The following LRRC37A2 variants were observed in gnomAD, a reference collection of about 807,000 sequenced individuals.
LRRC37A2 encodes the protein leucine-rich repeat-containing protein 37A2.
Under a neutral mutation model 68.8 loss-of-function variants are expected in LRRC37A2, and 9 were observed. The ratio of observed to expected loss-of-function variants is 0.13; its 90% CI spans 0.08 to 0.23. LRRC37A2 has a LOEUF of 0.23. LRRC37A2 is among the 10% of genes least tolerant of loss of function. The probability of loss-of-function intolerance (pLI) is 1.00; values close to 1 mark genes in which losing one functional copy is unlikely to be tolerated. For synonymous variants in LRRC37A2, 63 were observed against 367.6 expected, an observed-to-expected ratio of 0.17 and a Z score of 9.48; for missense variants, 168 against 950.4, an observed-to-expected ratio of 0.18 and a Z score of 10.82.
At chr17:46,968,989 G>A in the LRRC37A2 span, 781 of 152,970 alleles carry the variant, frequency 5.1e-3, 3 homozygotes, top group Non-Finnish European at 7.7e-3. Context: ...CATCCCTGCC[G>A]ACACCTGCCC....
chr17:46,790,262 A>G, the LRRC37A2 span, among the ~76,000 whole-genome samples: 2 of 152,150 alleles, frequency 1.3e-5, no homozygotes, highest in African/African-American at 4.8e-5. Context: ...TAGGAGCCGA[A>G]TCTGGGTTCA....
intron 6 of LRRC37A2, among the ~76,000 whole-genome samples, chr17:46,539,118 G>A (rs1360658041): frequency 1.5e-5 from 1 of 67,486 alleles, no homozygotes; most frequent in Non-Finnish European, 3.7e-5. Flanking sequence ...GGCTAAGGCA[G>A]GAGAATTGCT....
the LRRC37A2 span, among the ~76,000 whole-genome samples, chr17:47,047,699 TTTTA>T: frequency 2.0e-5 from 3 of 151,932 alleles, no homozygotes; most frequent in Non-Finnish European, 4.4e-5. Flanking sequence ...GTTTTTACAG[TTTTA>T]TAAGAGTACA....
At chr17:46,908,415 G>A in the LRRC37A2 span, among the ~76,000 whole-genome samples, 6 of 152,194 alleles carry the variant, frequency 3.9e-5, no homozygotes, top group Admixed American at 6.5e-5. Flanking sequence ...TGGAGGCGCT[G>A]AAAATAGGGT....
At chr17:46,878,954 T>G in the LRRC37A2 span, among the ~76,000 whole-genome samples, 4 of 152,200 alleles carry the variant, frequency 2.6e-5, no homozygotes, top group African/African-American at 9.6e-5. Flanking sequence ...TTCCTTGCTC[T>G]CATCCCTTTC....
chr17:46,935,196 G>A, the LRRC37A2 span: 27 of 1,613,200 alleles, frequency 1.7e-5, no homozygotes, highest in East Asian at 4.0e-4. Flanking sequence ...GGGACAGAGA[G>A]AAGGCCTCTT....
the LRRC37A2 span, among the ~76,000 whole-genome samples, chr17:47,026,122 A>G: frequency 6.6e-6 from 1 of 151,886 alleles, no homozygotes; most frequent in African/African-American, 2.4e-5. Context: ...AATGCCTTCA[A>G]TTTGGACCCA....
chr17:46,638,365 A>T, the LRRC37A2 span, among the ~76,000 whole-genome samples: 1 of 19,750 alleles, frequency 5.1e-5, no homozygotes, highest in African/African-American at 3.0e-4. Flanking sequence ...TTTATTTTTT[A>T]AAATTTTATT....
chr17:46,907,674 C>CAAAA, the LRRC37A2 span, among the ~76,000 whole-genome samples: 13 of 40,234 alleles, frequency 3.2e-4, no homozygotes, highest in African/African-American at 8.7e-4. Flanking sequence ...TCCATCTCTA[C>CAAAA]AAAAAAAAAA....
At chr17:47,025,858 T>C in the LRRC37A2 span, among the ~76,000 whole-genome samples, 1 of 116,966 alleles carries the variant, frequency 8.5e-6, no homozygotes, top group Admixed American at 1.0e-4. Context: ...TAAAACTACG[T>C]TTCCTTTAAA....
chr17:46,777,499 G>A, the LRRC37A2 span, among the ~76,000 whole-genome samples: 1 of 152,264 alleles, frequency 6.6e-6, no homozygotes, highest in African/African-American at 2.4e-5. Context: ...AGGTCGGAGT[G>A]CTTCCCAGAC....
chr17:46,760,527 C>T, the LRRC37A2 span, among the ~76,000 whole-genome samples: 8 of 147,894 alleles, frequency 5.4e-5, no homozygotes, highest in South Asian at 2.2e-4. Context: ...CCCAGCTACA[C>T]GGGAGCCTGA....
the LRRC37A2 span, among the ~76,000 whole-genome samples, chr17:46,905,680 A>G: frequency 1.3e-5 from 2 of 152,156 alleles, no homozygotes; most frequent in East Asian, 1.9e-4. Flanking sequence ...CCAACAGCCC[A>G]GTGTGCATCA....
At chr17:46,727,160 G>C in the LRRC37A2 span, among the ~76,000 whole-genome samples, 2 of 152,142 alleles carry the variant, frequency 1.3e-5, no homozygotes, top group Admixed American at 6.5e-5. Context: ...AAAAAATTTT[G>C]TAAGTTAAAA....
the LRRC37A2 span, among the ~76,000 whole-genome samples, chr17:46,946,676 A>G: frequency 6.6e-6 from 1 of 152,164 alleles, no homozygotes; most frequent in Non-Finnish European, 1.5e-5. Context: ...CAGCCTGGCC[A>G]ACATGGTGAA....
intron 6 of LRRC37A2, among the ~76,000 whole-genome samples, chr17:46,529,161 T>C (rs1467764438): frequency 4.2e-4 from 58 of 136,772 alleles, no homozygotes; most frequent in African/African-American, 1.5e-3. Context: ...GAAACATAGC[T>C]CATCTATCTG....
the LRRC37A2 span, among the ~76,000 whole-genome samples, chr17:46,948,391 G>A: frequency 6.6e-6 from 1 of 152,218 alleles, no homozygotes; most frequent in Non-Finnish European, 1.5e-5. Context: ...GTGTGATTGT[G>A]AGTCAAGGAT....
the LRRC37A2 span, among the ~76,000 whole-genome samples, chr17:46,710,183 TGTA>T: frequency 1.3e-5 from 2 of 152,202 alleles, no homozygotes; most frequent in Non-Finnish European, 2.9e-5. Context: ...GATCTTTACA[TGTA>T]GTAGGTTATG....
At chr17:46,839,098 G>A in the LRRC37A2 span, among the ~76,000 whole-genome samples, 3 of 152,010 alleles carry the variant, frequency 2.0e-5, no homozygotes, top group Non-Finnish European at 2.9e-5. Context: ...AGCTGGTCTC[G>A]AACTCCTGAC....
Sources: gnomAD v4.1 joint callset for allele counts (sites outside exome capture counted in the v4.1 genomes callset) on GRCh38, gnomAD v4.1.1 for gene constraint, MANE v1.5 for transcripts, NCBI Gene and HGNC (gene_info 2026-07-23, HGNC 2026-07-21) for gene names.